Variants in PPM1E observed in about 807,000 individuals in gnomAD.
PPM1E encodes the protein protein phosphatase 1E.
PPM1E carries 20 observed loss-of-function variants against 65.9 expected under a neutral mutation model. That is an observed-to-expected ratio of 0.30 (90% CI 0.21 to 0.44). The LOEUF (loss-of-function observed/expected upper bound fraction) is 0.44. Ranked by LOEUF, PPM1E falls within the 20% of genes least tolerant of loss-of-function variation. The pLI is 1.00. For synonymous variants in PPM1E, 352 were observed against 374.9 expected, an observed-to-expected ratio of 0.94 and a Z score of 0.70; for missense variants, 713 against 953.1, an observed-to-expected ratio of 0.75 and a Z score of 3.32.
At chr17:58,825,274 A>C in intron 1 of PPM1E, among the ~76,000 whole-genome samples, 1 of 152,012 alleles carries the variant, frequency 6.6e-6, no homozygotes, top group African/African-American at 2.4e-5. Context: ...AAAAATAAAT[A>C]GAATGAAATA....
intron 1 of PPM1E, among the ~76,000 whole-genome samples, chr17:58,880,188 G>A (rs1463836062): frequency 6.6e-6 from 1 of 152,148 alleles, no homozygotes; most frequent in Non-Finnish European, 1.5e-5. Context: ...TGAGGATAAG[G>A]ATGTTTTATT....
intron 1 of PPM1E, among the ~76,000 whole-genome samples, chr17:58,800,852 C>T (rs2050252131): frequency 6.6e-6 from 1 of 151,984 alleles, no homozygotes; most frequent in Non-Finnish European, 1.5e-5. Context: ...TTGACTTTAT[C>T]AGTTTCACTG....
At chr17:58,842,473 G>A (rs1252893969) in intron 1 of PPM1E, among the ~76,000 whole-genome samples, 1 of 152,194 alleles carries the variant, frequency 6.6e-6, no homozygotes, top group African/African-American at 2.4e-5. Context: ...ATGTTGGGGG[G>A]TATATGAAAA....
chr17:58,866,489 C>T (rs141155575), intron 1 of PPM1E, among the ~76,000 whole-genome samples: 7 of 152,368 alleles, frequency 4.6e-5, no homozygotes, highest in South Asian at 4.1e-4. Context: ...GGGAGTCTTA[C>T]GCCTTAGCGG....
At chr17:58,971,094 T>C (rs2030584183) in intron 4 of PPM1E, among the ~76,000 whole-genome samples, 1 of 152,114 alleles carries the variant, frequency 6.6e-6, no homozygotes, top group Non-Finnish European at 1.5e-5. Context: ...TTTCTCCTTC[T>C]TATGCTTCCA....
intron 1 of PPM1E, among the ~76,000 whole-genome samples, chr17:58,855,472 C>G (rs1253642579): frequency 6.6e-6 from 1 of 152,184 alleles, no homozygotes; most frequent in East Asian, 1.9e-4. Context: ...CATCTTACTA[C>G]CACGTTACTA....
intron 1 of PPM1E, among the ~76,000 whole-genome samples, chr17:58,953,379 G>A (rs1358541648): frequency 6.6e-6 from 1 of 152,214 alleles, no homozygotes; most frequent in East Asian, 1.9e-4. Flanking sequence ...GAGCCCTCAT[G>A]TGGAGATCAC....
intron 1 of PPM1E, among the ~76,000 whole-genome samples, chr17:58,854,162 T>A (rs1052492628): frequency 6.6e-6 from 1 of 152,224 alleles, no homozygotes; most frequent in African/African-American, 2.4e-5. Context: ...TTCTTTTTGG[T>A]GCTACTATAA....
In PPM1E at chr17:58,983,000, A is replaced by G; in HGVS notation, c.*1969A>G. The G allele has an allele frequency of 7.4e-7, 1 of 1,346,308 alleles. No individual in the cohort carries two copies. Among genetic ancestry groups the G allele is most frequent in the Non-Finnish European group, 1.0e-6 (1 of 977,566 alleles). The allele number at this position is 1,346,308 out of a possible 1,614,324, so 83.4% of individuals were successfully genotyped here. A position where few individuals can be genotyped will look rare whatever the true frequency, so the allele number is the denominator to read the frequency against. On this transcript the variant is annotated 3_prime_UTR_variant, in exon 7 of 7. Coordinates refer to ENST00000308249, the MANE Select transcript of PPM1E (RefSeq NM_014906.5). ...AAGTGCTTAGCGAAGTAAAAAAAAA[A>G]GCTTTTTAAAATTTCTATTGTTGTC...
chr17:58,947,104 T>G (rs2052162667), intron 1 of PPM1E, among the ~76,000 whole-genome samples: 1 of 140,422 alleles, frequency 7.1e-6, no homozygotes, highest in African/African-American at 2.6e-5. Flanking sequence ...TATTTTCCTT[T>G]TTCCTGTTTT....
At chr17:58,862,117 A>G (rs1183394270) in intron 1 of PPM1E, among the ~76,000 whole-genome samples, 1 of 152,160 alleles carries the variant, frequency 6.6e-6, no homozygotes. Flanking sequence ...TTTTAATACA[A>G]TAGATTCACA....
chr17:58,772,410 C>T lies in PPM1E; in HGVS notation c.464+15949C>T, dbSNP rs192594642. ...GGCAGAGGTTGCAGTGAGCCAAGATCGTGCTACTGCACTCCAGCCTGGTGA... is the reference window on the plus strand; with the variant it reads ...GGCAGAGGTTGCAGTGAGCCAAGATTGTGCTACTGCACTCCAGCCTGGTGA... On this transcript the variant is annotated intron_variant, in intron 1 of 6. Transcript: ENST00000308249. Among the ~76,000 whole-genome samples the T allele has an allele frequency of 9.7e-3, 1,473 of 151,350 alleles. 26 individuals carry two copies. Among genetic ancestry groups the T allele is most frequent in the African/African-American group, 0.033 (1,355 of 41,228 alleles).
Position 58,930,050 on chromosome 17 carries a change from A to G in PPM1E, c.465-25599A>G, listed in dbSNP as rs192016145. ...TTTTGTTTACGGTCATACTACCCTG[A>G]ACGTGCCTGATCTCGCCTGAAAATT... On this transcript the variant is annotated intron_variant, in intron 1 of 6. Coordinates refer to ENST00000308249, the MANE Select transcript of PPM1E (RefSeq NM_014906.5). Among the ~76,000 whole-genome samples the G allele has an allele frequency of 2.0e-4, 30 of 152,194 alleles. 1 individual carries two copies. Among genetic ancestry groups the G allele is most frequent in the Admixed American group, 1.9e-3 (29 of 15,272 alleles).
At chr17:58,821,373 G>A (rs1374982577) in intron 1 of PPM1E, among the ~76,000 whole-genome samples, 3 of 152,198 alleles carry the variant, frequency 2.0e-5, no homozygotes, top group Non-Finnish European at 4.4e-5. Flanking sequence ...GCCTCCCAAA[G>A]TGCTGGGATT....
chr17:58,862,559 T>G (rs1202442458), intron 1 of PPM1E, among the ~76,000 whole-genome samples: 2 of 152,200 alleles, frequency 1.3e-5, no homozygotes, highest in East Asian at 3.8e-4. Context: ...TGTATCCTTG[T>G]GATGGTGGTA....
intron 2 of PPM1E, among the ~76,000 whole-genome samples, chr17:58,961,327 C>G (rs760719134): frequency 1.5e-4 from 23 of 152,138 alleles, no homozygotes; most frequent in Non-Finnish European, 3.1e-4. Flanking sequence ...CTGCTAGGTA[C>G]TATACTATGG....
In PPM1E at chr17:58,982,730, G is replaced by T; in HGVS notation, c.*1699G>T. ...TCAGTATTTGTTTTCTCTTGATTTT[G>T]AAGTCATTTCTTCTTCTCACGTCTG... On this transcript the variant is annotated 3_prime_UTR_variant, in exon 7 of 7. Coordinates refer to ENST00000308249, the MANE Select transcript of PPM1E (RefSeq NM_014906.5). 1 of 526,856 alleles carries T rather than the reference G, an allele frequency of 1.9e-6. No individual in the cohort carries two copies. The highest frequency in any genetic ancestry group is 3.4e-5 in the Admixed American group (1 of 29,404). 32.6% of individuals were successfully genotyped at this position (526,856 alleles called of 1,614,324 possible).
chr17:58,887,164 T>TC (rs1350396516), intron 1 of PPM1E, among the ~76,000 whole-genome samples: 28 of 141,896 alleles, frequency 2.0e-4, no homozygotes, highest in Admixed American at 7.7e-4. Flanking sequence ...GCCTTCTTCT[T>TC]TTTTTTTTTT....
chr17:58,808,923 A>G (rs2050339997), intron 1 of PPM1E, among the ~76,000 whole-genome samples: 2 of 152,210 alleles, frequency 1.3e-5, no homozygotes, highest in South Asian at 4.1e-4. Flanking sequence ...ACAAAATAGA[A>G]CAATGACTCT....
Sources: allele counts gnomAD v4.1 joint callset (sites outside exome capture counted in the v4.1 genomes callset), GRCh38; gene constraint gnomAD v4.1.1; transcripts MANE v1.5; gene names NCBI Gene and HGNC (gene_info 2026-07-23, HGNC 2026-07-21).